GRIN2B: variants seen among roughly 807,000 people sequenced by gnomAD.
GRIN2B encodes glutamate receptor ionotropic, NMDA 2B.
Under a neutral mutation model 114.5 loss-of-function variants are expected in GRIN2B, and 5 were observed. The observed-to-expected ratio is 0.04, with a 90% CI of 0.02 to 0.09. The LOEUF is 0.09. Ranked by LOEUF, GRIN2B falls within the 10% of genes least tolerant of loss-of-function variation. The pLI, the probability that GRIN2B is intolerant of heterozygous loss-of-function variation, is 1.00. For synonymous variants in GRIN2B, 787 were observed against 745.1 expected, an observed-to-expected ratio of 1.06 and a Z score of -0.92; for missense variants, 1,108 against 1,943.5, an observed-to-expected ratio of 0.57 and a Z score of 8.08.
chr12:13,541,669 G>A lies in GRIN2B; in HGVS notation c.*21114C>T, dbSNP rs983723317. 1 of 152,228 alleles carries A rather than the reference G, an allele frequency of 6.6e-6. No individual in the cohort carries two copies. Among genetic ancestry groups the A allele is most frequent in the Non-Finnish European group, 1.5e-5 (1 of 68,068 alleles). 9.4% of individuals were successfully genotyped at this position (152,228 alleles called of 1,614,324 possible). The stretch of plus-strand genomic sequence containing the variant: ...ATCTTTTGGGGGAAAACGGCTGGCA[G>A]GATATGACCATGCTGAAGGGTTTGC... On this transcript the variant is annotated 3_prime_UTR_variant, in exon 14 of 14. Coordinates refer to ENST00000609686, the MANE Select transcript of GRIN2B (RefSeq NM_000834.5).
intron 2 of GRIN2B, among the ~76,000 whole-genome samples, chr12:13,879,818 C>T (rs906488541): frequency 6.6e-6 from 1 of 152,242 alleles, no homozygotes; most frequent in East Asian, 1.9e-4. Context: ...GCAGGCCAGG[C>T]CAGAATCCAT....
chr12:13,570,419 T>C (rs963633532), intron 11 of GRIN2B, among the ~76,000 whole-genome samples: 1 of 152,198 alleles, frequency 6.6e-6, no homozygotes, highest in Admixed American at 6.5e-5. Context: ...TATTACAGTC[T>C]GGAGTGGGGA....
intron 3 of GRIN2B, among the ~76,000 whole-genome samples, chr12:13,760,678 T>C (rs1863663200): frequency 1.3e-5 from 2 of 152,212 alleles, no homozygotes; most frequent in South Asian, 4.1e-4. Context: ...AAGGCAAATG[T>C]AGAAATGATG....
At chr12:13,584,118 C>G (rs1948887313) in intron 10 of GRIN2B, among the ~76,000 whole-genome samples, 1 of 152,126 alleles carries the variant, frequency 6.6e-6, no homozygotes, top group Non-Finnish European at 1.5e-5. Context: ...TCATCCCCAC[C>G]ACCTTCTCTC....
intron 2 of GRIN2B, among the ~76,000 whole-genome samples, chr12:13,932,997 G>GCA (rs1867065831): frequency 7.2e-6 from 1 of 139,786 alleles, no homozygotes; most frequent in African/African-American, 3.3e-5. Flanking sequence ...GCGTGTGCGT[G>GCA]TGTGTGTGTT....
chr12:13,710,563 C>G (rs1950404826), intron 4 of GRIN2B, among the ~76,000 whole-genome samples: 1 of 152,100 alleles, frequency 6.6e-6, no homozygotes, highest in East Asian at 1.9e-4. Context: ...GCAAAAATCA[C>G]AAGCATTCTT....
intron 5 of GRIN2B, among the ~76,000 whole-genome samples, chr12:13,657,485 G>T (rs1056494421): frequency 6.6e-6 from 1 of 152,194 alleles, no homozygotes; most frequent in African/African-American, 2.4e-5. Context: ...TCATGTTAGC[G>T]ATATGGGAAG....
rs1591638669 is a variant in GRIN2B at position 13,608,598 on chromosome 12, C to T, written c.2010+5G>A. 3 of 1,601,026 alleles carry T rather than the reference C, an allele frequency of 1.9e-6. No homozygotes were observed. Among genetic ancestry groups the T allele is most frequent in the Non-Finnish European group, 2.6e-6 (3 of 1,168,146 alleles). On this transcript the variant is annotated splice_donor_5th_base_variant and intron_variant, in intron 10 of 13. Transcript: ENST00000609686. ...AAGACGGGAGATTTCAAATGAGTCT[C>T]TTACCTTTTTGTCGCTCAGGCCAGA...
At chr12:13,801,805 T>A (rs1409465132) in intron 3 of GRIN2B, among the ~76,000 whole-genome samples, 5 of 152,172 alleles carry the variant, frequency 3.3e-5, no homozygotes, top group Admixed American at 3.3e-4. Context: ...ATTTACTCAC[T>A]GTCTTACATG....
Position 13,589,975 on chromosome 12 carries a change from T to C in GRIN2B, c.2011-18011A>G, listed in dbSNP as rs1948983917. Among the ~76,000 whole-genome samples, 4 of 152,236 alleles carry C rather than the reference T, an allele frequency of 2.6e-5. No homozygotes were observed. The South Asian group carries it at 8.3e-4, about 32-fold the overall frequency. On this transcript the variant is annotated intron_variant, in intron 10 of 13. Transcript: ENST00000609686. Reference sequence around the variant, plus strand: ...TATGATAGACTATCAACTATGGCAATAAAAACAACTTTATTGCTAAACACA... The same window carrying C: ...TATGATAGACTATCAACTATGGCAACAAAAACAACTTTATTGCTAAACACA...
At chr12:13,917,701 C>T (rs1211266133) in intron 2 of GRIN2B, among the ~76,000 whole-genome samples, 1 of 152,162 alleles carries the variant, frequency 6.6e-6, no homozygotes, top group African/African-American at 2.4e-5. Context: ...TTAGAACATT[C>T]ACAGAAAACG....
Position 13,692,886 on chromosome 12 carries a change from A to G in GRIN2B, c.1011-17027T>C, listed in dbSNP as rs960732268. 2.0e-5 allele frequency among the ~76,000 whole-genome samples: 3 copies of G among 146,948 alleles called. No individual in the cohort carries two copies. In the Admixed American group the frequency reaches 2.1e-4, roughly 10 times the overall value. On this transcript the variant is annotated intron_variant, in intron 4 of 13. Transcript: ENST00000609686. Reference sequence around the variant, plus strand: ...TGGGTTCAAGTGATTCTCCTGCCTCAGCCTCCCGAGTAGCTGGGATTACAG... The same window carrying G: ...TGGGTTCAAGTGATTCTCCTGCCTCGGCCTCCCGAGTAGCTGGGATTACAG...
chr12:13,618,212 T>C (rs893937901), intron 5 of GRIN2B, among the ~76,000 whole-genome samples: 2 of 152,164 alleles, frequency 1.3e-5, no homozygotes, highest in African/African-American at 4.8e-5. Context: ...GAGATACTAA[T>C]GTCCTCTGCC....
chr12:13,880,567 A>T (rs1467816019), intron 2 of GRIN2B, among the ~76,000 whole-genome samples: 1 of 152,216 alleles, frequency 6.6e-6, no homozygotes, highest in African/African-American at 2.4e-5. Flanking sequence ...GGCTTATTAC[A>T]GCATGGAAAT....
chr12:13,977,053 G>T (rs907213924), intron 2 of GRIN2B, among the ~76,000 whole-genome samples: 3 of 152,134 alleles, frequency 2.0e-5, no homozygotes, highest in Non-Finnish European at 2.9e-5. Context: ...CAAAATCAAG[G>T]TTCCTGCTGT....
At chr12:13,850,267 C>G (rs980879828) in intron 3 of GRIN2B, among the ~76,000 whole-genome samples, 1 of 152,140 alleles carries the variant, frequency 6.6e-6, no homozygotes, top group Non-Finnish European at 1.5e-5. Context: ...AGATGGAATC[C>G]TAGACCTTAG....
At chr12:13,923,664 T>C (rs1268829655) in intron 2 of GRIN2B, among the ~76,000 whole-genome samples, 1 of 152,168 alleles carries the variant, frequency 6.6e-6, no homozygotes, top group Non-Finnish European at 1.5e-5. Flanking sequence ...ACAATACACT[T>C]GCTGTTTTCC....
intron 10 of GRIN2B, among the ~76,000 whole-genome samples, chr12:13,591,661 A>G (rs1427750643): frequency 2.0e-5 from 3 of 152,208 alleles, no homozygotes; most frequent in South Asian, 2.1e-4. Context: ...AGCAGTCACT[A>G]ATGACAGGTA....
At chr12:13,893,560 C>A (rs959826192) in intron 2 of GRIN2B, among the ~76,000 whole-genome samples, 12 of 151,994 alleles carry the variant, frequency 7.9e-5, no homozygotes, top group Non-Finnish European at 1.5e-4. Context: ...AATGCCAAAT[C>A]AGAAAAACTT....
Sources: gnomAD v4.1 joint callset for allele counts (sites outside exome capture counted in the v4.1 genomes callset) on GRCh38, gnomAD v4.1.1 for gene constraint, MANE v1.5 for transcripts, NCBI Gene and HGNC (gene_info 2026-07-23, HGNC 2026-07-21) for gene names.